Variants in KAT2B observed in about 807,000 individuals in gnomAD.
KAT2B encodes the protein histone acetyltransferase KAT2B.
KAT2B carries 36 observed loss-of-function variants against 105.9 expected under a neutral mutation model. That is an observed-to-expected ratio of 0.34 (90% CI 0.26 to 0.45). The LOEUF is 0.45. Among genes scored for constraint, KAT2B ranks in the 20% least tolerant of loss-of-function variants. The pLI is 1.00. For synonymous variants in KAT2B, 397 were observed against 377.9 expected (o/e 1.05, Z -0.59); for missense variants, 820 against 1,021.6 (o/e 0.80, Z 2.69).
At chr3:20,057,318 G>T (rs886687483) in intron 1 of KAT2B, among the ~76,000 whole-genome samples, 1 of 152,184 alleles carries the variant, frequency 6.6e-6, no homozygotes, top group African/African-American at 2.4e-5. Flanking sequence ...ATGAGGGCTG[G>T]AAGTTCTGCT....
intron 7 of KAT2B, 137 bp from the exon 8 acceptor site, chr3:20,119,460 GC>G: frequency 2.7e-6 from 2 of 741,880 alleles, no homozygotes; most frequent in South Asian, 3.5e-5. Flanking sequence ...CTATTTTGAT[GC>G]CTTGTGGCTT....
chr3:20,101,250 A>G (rs746684361), intron 4 of KAT2B, 37 bp from the exon 5 acceptor site: 3 of 1,577,320 alleles, frequency 1.9e-6, no homozygotes, highest in East Asian at 2.2e-5. Flanking sequence ...GTATGATTGC[A>G]TAGCTGCATG....
chr3:20,145,933 G>A (rs1016922250), intron 13 of KAT2B, among the ~76,000 whole-genome samples: 4 of 152,146 alleles, frequency 2.6e-5, no homozygotes, highest in African/African-American at 9.7e-5. Context: ...AAGTGAAGAG[G>A]TTCTGTCACT....
intron 1 of KAT2B, among the ~76,000 whole-genome samples, chr3:20,067,904 A>C (rs1250473860): frequency 1.3e-5 from 2 of 151,800 alleles, no homozygotes; most frequent in Non-Finnish European, 2.9e-5. Flanking sequence ...CGAACTCCTG[A>C]CCTCAGGTGA....
intron 11 of KAT2B, among the ~76,000 whole-genome samples, chr3:20,128,219 T>C (rs943378816): frequency 6.6e-6 from 1 of 152,218 alleles, no homozygotes; most frequent in Admixed American, 6.5e-5. Context: ...CAGTGTTCAT[T>C]GTTAATTTAC....
intron 12 of KAT2B, among the ~76,000 whole-genome samples, chr3:20,138,861 A>G (rs1476901967): frequency 6.6e-6 from 1 of 152,156 alleles, no homozygotes; most frequent in Non-Finnish European, 1.5e-5. Context: ...ATGTTATTAC[A>G]TAAAATCTAT....
At chr3:20,118,331 T>C (rs1699243725) in intron 7 of KAT2B, among the ~76,000 whole-genome samples, 1 of 82,504 alleles carries the variant, frequency 1.2e-5, no homozygotes, top group Non-Finnish European at 2.2e-5. Context: ...CCTAAATTTG[T>C]GTGTGTGTGT....
At position 20,114,938 on chromosome 3, in the gene KAT2B, A is replaced by T; in HGVS notation, c.1100A>T (p.Gln367Leu). ...AGTCAAAACTCTCCCATCTGGGATC[A>T]GGATTTTCTCTCAGCCTCTTCCAGA... Reference protein sequence around the residue: ...VYSQNSPIWDQDFLSASSRTS... With the variant: ...VYSQNSPIWDLDFLSASSRTS... Residue 367 changes from glutamine to leucine, a missense_variant, in exon 7 of 18, where the codon CAG (glutamine) becomes CTG (leucine). This residue lies in a region of KAT2B where 225 missense variants were observed against 268.1 expected (regional missense o/e 0.84). Coordinates refer to ENST00000263754, the MANE Select transcript of KAT2B (RefSeq NM_003884.5). 1.2e-6 allele frequency: 2 copies of T among 1,613,272 alleles called. No homozygotes were observed. The highest frequency in any genetic ancestry group is 1.7e-6 in the Non-Finnish European group (2 of 1,179,294).
rs1699888018 is a variant in KAT2B, at chr3:20,152,573, A to G, written c.*48A>G. 6.8e-7 allele frequency: 1 copy of G among 1,470,620 alleles called. No individual in the cohort carries two copies. Among genetic ancestry groups the G allele is most frequent in the Non-Finnish European group, 9.4e-7 (1 of 1,066,398 alleles). The allele number at this position is 1,470,620 out of a possible 1,614,324, so 91.1% of individuals were successfully genotyped here. A position where few individuals can be genotyped will look rare whatever the true frequency, so the allele number is the denominator to read the frequency against. On this transcript the variant is annotated 3_prime_UTR_variant, in exon 18 of 18. Transcript: ENST00000263754. ...AGAAACTCACCAAGCAGTGTGCCTA[A>G]AGCAAGGTGGTTTAGTTTTTTACAA...
chr3:20,117,266 G>A (rs1459275904), intron 7 of KAT2B, among the ~76,000 whole-genome samples: 1 of 152,148 alleles, frequency 6.6e-6, no homozygotes, highest in Non-Finnish European at 1.5e-5. Context: ...AAGTTGGCGT[G>A]TACACTTTAG....
intron 2 of KAT2B, among the ~76,000 whole-genome samples, chr3:20,075,130 G>A (rs775449119): frequency 2.0e-4 from 30 of 152,050 alleles, no homozygotes; most frequent in Non-Finnish European, 3.8e-4. Flanking sequence ...TGGGCATGGT[G>A]GCAAGCACCT....
intron 5 of KAT2B, among the ~76,000 whole-genome samples, chr3:20,107,625 C>G (rs1447082647): frequency 6.8e-6 from 1 of 146,656 alleles, no homozygotes; most frequent in Admixed American, 6.8e-5. Flanking sequence ...CCATTGCCCT[C>G]CAGCCTGGGG....
rs370697779 is a variant in KAT2B, at chr3:20,147,368, G to A, written c.2120-595G>A. 1.3e-3 allele frequency among the ~76,000 whole-genome samples: 166 copies of A among 128,700 alleles called. 5 individuals are homozygous for A. The East Asian group carries it at 0.033, about 26-fold the overall frequency. The allele number at this position is 128,700 out of a possible 152,430, so 84.4% of individuals were successfully genotyped here. A position where few individuals can be genotyped will look rare whatever the true frequency, so the allele number is the denominator to read the frequency against. On this transcript the variant is annotated intron_variant, in intron 14 of 17. Transcript: ENST00000263754. ...TTTATCTGTTTTTGTTTTTTTTTTT[G>A]TACATTAACTACTCTCAACAGGGAT...
In KAT2B at chr3:20,101,344, A is replaced by G. The variant is rs1284747711; in HGVS notation, c.727A>G (p.Thr243Ala). 5 of 1,614,004 alleles carry G rather than the reference A, an allele frequency of 3.1e-6. No individual in the cohort carries two copies. The Admixed American group carries it at 5.0e-5, about 16-fold the overall frequency. Reference sequence around the variant, plus strand: ...TCACCTGCCAGCAAAAGAAAGGCAAACAATAGTTGAGTTGGCAAAAATGTT... The same window carrying G: ...TCACCTGCCAGCAAAAGAAAGGCAAGCAATAGTTGAGTTGGCAAAAATGTT... ...FSHLPAKERQ[T>A]IVELAKMFLN... Residue 243 changes from threonine to alanine, a missense_variant, in exon 5 of 18, where the codon ACA becomes GCA. Thr to Ala is a moderately conservative substitution (Grantham distance 58). Transcript: ENST00000263754.
At chr3:20,068,726 G>GT (rs1425018434) in intron 1 of KAT2B, among the ~76,000 whole-genome samples, 10 of 152,138 alleles carry the variant, frequency 6.6e-5, no homozygotes, top group Non-Finnish European at 1.3e-4. Flanking sequence ...GAATGAGTCA[G>GT]TGTGCATAAC....
At chr3:20,082,151 C>A (rs1698531543) in intron 2 of KAT2B, among the ~76,000 whole-genome samples, 1 of 152,018 alleles carries the variant, frequency 6.6e-6, no homozygotes, top group Non-Finnish European at 1.5e-5. Flanking sequence ...TCTCATGCCT[C>A]AGCCTCCCAA....
chr3:20,132,022 G>C (rs936828141), intron 11 of KAT2B, among the ~76,000 whole-genome samples: 11 of 152,114 alleles, frequency 7.2e-5, no homozygotes, highest in African/African-American at 2.7e-4. Flanking sequence ...GAAAACACAA[G>C]ATAACATATG....
At chr3:20,083,036 C>G (rs1283149357) in intron 2 of KAT2B, among the ~76,000 whole-genome samples, 1 of 152,026 alleles carries the variant, frequency 6.6e-6, no homozygotes, top group Non-Finnish European at 1.5e-5. Context: ...GTTAAATTAC[C>G]GAGGATGGTT....
intron 11 of KAT2B, among the ~76,000 whole-genome samples, chr3:20,132,402 A>C (rs1229867873): frequency 6.6e-6 from 1 of 152,224 alleles, no homozygotes; most frequent in Non-Finnish European, 1.5e-5. Context: ...ATTTGATATT[A>C]TATACAGCTT....
Sources: gnomAD v4.1 joint callset for allele counts (sites outside exome capture counted in the v4.1 genomes callset) on GRCh38, gnomAD v4.1.1 for gene constraint, gnomAD v4.1.1 regional missense constraint, MANE v1.5 for transcripts, NCBI Gene and HGNC (gene_info 2026-07-23, HGNC 2026-07-21) for gene names.